CPT1A: variants seen among roughly 807,000 people sequenced by gnomAD.
The protein encoded by CPT1A is carnitine O-palmitoyltransferase 1, liver isoform.
Under a neutral mutation model 100.8 loss-of-function variants are expected in CPT1A, and 64 were observed. That is an observed-to-expected ratio of 0.63 (90% CI 0.52 to 0.78). The LOEUF (loss-of-function observed/expected upper bound fraction) is 0.78. Ranked by LOEUF, CPT1A falls within the 30% of genes least tolerant of loss-of-function variation. The probability of loss-of-function intolerance (pLI) is 0.00; values close to 1 mark genes in which losing one functional copy is unlikely to be tolerated. For synonymous variants in CPT1A, 363 were observed against 396.0 expected, an observed-to-expected ratio of 0.92 and a Z score of 0.99; for missense variants, 802 against 1,034.1, an observed-to-expected ratio of 0.78 and a Z score of 3.08.
At chr11:68,759,162 G>C (rs1946751760) in intron 18 of CPT1A, among the ~76,000 whole-genome samples, 1 of 151,994 alleles carries the variant, frequency 6.6e-6, no homozygotes, top group Non-Finnish European at 1.5e-5. Flanking sequence ...GGGAGGTCGA[G>C]GCAGGTGGAT....
At chr11:68,812,702 C>A (rs1334397824) in intron 2 of CPT1A, 126 bp from the exon 3 acceptor site, 8 of 1,094,854 alleles carry the variant, frequency 7.3e-6, no homozygotes, top group Admixed American at 2.0e-5. Flanking sequence ...GGACAGCGTG[C>A]GTGCACTGAG....
Position 68,757,251 on chromosome 11 carries a change from G to T in CPT1A, c.*393C>A. ...ACAAAACAAAAGTTTACCCTGCTTG[G>T]ATGATGCTAAATGCCCTTAAGCACT... On this transcript the variant is annotated 3_prime_UTR_variant, in exon 19 of 19. Transcript: ENST00000265641. The T allele has an allele frequency of 9.6e-7, 1 of 1,040,664 alleles. No homozygotes were observed. The highest frequency in any genetic ancestry group is 1.2e-6 in the Non-Finnish European group (1 of 849,150). The allele number at this position is 1,040,664 out of a possible 1,614,324, so 64.5% of individuals were successfully genotyped here.
At chr11:68,828,524 A>G (rs1856798134) in intron 1 of CPT1A, among the ~76,000 whole-genome samples, 1 of 152,116 alleles carries the variant, frequency 6.6e-6, no homozygotes, top group African/African-American at 2.4e-5. Context: ...CCCTTCCCGG[A>G]AGCCTTCCCT....
At chr11:68,788,608 AAAAC>A (rs774205593) in intron 9 of CPT1A, among the ~76,000 whole-genome samples, 10 of 149,276 alleles carry the variant, frequency 6.7e-5, no homozygotes, top group Non-Finnish European at 1.2e-4. Context: ...CAAAAAAACA[AAAAC>A]AAACAAACAA....
chr11:68,796,803 GACCCGCC>G, intron 7 of CPT1A, 46 bp downstream of exon 7: 1 of 1,571,004 alleles, frequency 6.4e-7, no homozygotes, highest in Non-Finnish European at 8.7e-7. Context: ...TCTGTGGACA[GACCCGCC>G]GCCCCACCGT....
At chr11:68,769,403 ATTTTTTTTT>A (rs528320899) in intron 14 of CPT1A, among the ~76,000 whole-genome samples, 1 of 133,318 alleles carries the variant, frequency 7.5e-6, no homozygotes, top group Non-Finnish European at 1.6e-5. Flanking sequence ...TGCTGGGCTA[ATTTTTTTTT>A]TTTTTTTTTT....
chr11:68,803,253 C>T (rs1021409022), intron 5 of CPT1A, among the ~76,000 whole-genome samples: 4 of 152,178 alleles, frequency 2.6e-5, no homozygotes, highest in Non-Finnish European at 4.4e-5. Flanking sequence ...TGAAAGAAGC[C>T]AGTCACAAAA....
At chr11:68,801,073 C>T (rs1246348147) in intron 5 of CPT1A, among the ~76,000 whole-genome samples, 3 of 152,110 alleles carry the variant, frequency 2.0e-5, no homozygotes, top group Non-Finnish European at 4.4e-5. Context: ...GGTGCCACTG[C>T]ATTCCAGCCT....
chr11:68,821,046 G>C (rs1296271267), intron 1 of CPT1A, among the ~76,000 whole-genome samples: 1 of 152,206 alleles, frequency 6.6e-6, no homozygotes, highest in African/African-American at 2.4e-5. Context: ...CCAGGTGGGA[G>C]TTCAGTGGTG....
intron 4 of CPT1A, 146 bp downstream of exon 4, chr11:68,807,321 C>T: frequency 2.4e-6 from 2 of 816,586 alleles, no homozygotes; most frequent in Non-Finnish European, 4.1e-6. Flanking sequence ...TGACTCAAAC[C>T]TCTCCAGCCA....
chr11:68,785,009 G>A lies in CPT1A; in HGVS notation c.969C>T (p.Asp323=), dbSNP rs1855419921. The change falls in exon 10 of 19, where the codon GAC becomes GAT. Residue 323 remains aspartate, a splice_region_variant and synonymous_variant. Transcript: ENST00000265641. ...NTSRIPGEET[D]TIQHMRDSKH... ...TGCTGTCTCTCATGTGCTGGATGGT[G>A]TCTGAGCCGGCCGCAGGTTGGAGAC... 1.2e-6 allele frequency: 2 copies of A among 1,613,580 alleles called. No homozygotes were observed. Among genetic ancestry groups the A allele is most frequent in the East Asian group, 2.2e-5 (1 of 44,880 alleles).
Position 68,841,519 on chromosome 11 carries a change from C to A in CPT1A, c.-14+256G>T, listed in dbSNP as rs1857158435. Reference sequence around the variant, plus strand: ...CCCGCGGCCGCACGGGACCCGCCTGCGGATGGACCGACCCCCGGTGGACCC... The same window carrying A: ...CCCGCGGCCGCACGGGACCCGCCTGAGGATGGACCGACCCCCGGTGGACCC... On this transcript the variant is annotated intron_variant, in intron 1 of 18. Transcript: ENST00000265641. The surrounding 1 kb of genome is among the most constrained non-coding windows in gnomAD (Gnocchi z 6.3). Among the ~76,000 whole-genome samples, 1 of 152,158 alleles carries A rather than the reference C, an allele frequency of 6.6e-6. No individual in the cohort carries two copies. The highest frequency in any genetic ancestry group is 2.4e-5 in the African/African-American group (1 of 41,440).
chr11:68,769,263 G>C (rs1216985994), intron 14 of CPT1A, among the ~76,000 whole-genome samples: 5 of 152,088 alleles, frequency 3.3e-5, no homozygotes, highest in African/African-American at 1.2e-4. Flanking sequence ...TTTAAAGATA[G>C]GGTCTCACTG....
chr11:68,792,767 C>T (rs1363527305), intron 9 of CPT1A, among the ~76,000 whole-genome samples: 3 of 152,196 alleles, frequency 2.0e-5, no homozygotes, highest in African/African-American at 7.2e-5. Context: ...GAAAAAAACA[C>T]TCAGCTGTGT....
chr11:68,796,679 G>A (rs1302259491), intron 7 of CPT1A, among the ~76,000 whole-genome samples, 177 bp downstream of exon 7: 1 of 152,226 alleles, frequency 6.6e-6, no homozygotes, highest in Non-Finnish European at 1.5e-5. Flanking sequence ...GGGCTACTAG[G>A]CTAACACTGA....
intron 9 of CPT1A, among the ~76,000 whole-genome samples, chr11:68,788,732 A>G (rs1855539179): frequency 6.6e-6 from 1 of 152,074 alleles, no homozygotes; most frequent in African/African-American, 2.4e-5. Context: ...AAAAATATAC[A>G]AAATATAAGA....
intron 14 of CPT1A, 132 bp from the exon 15 acceptor site, chr11:68,762,893 G>T: frequency 1.7e-6 from 2 of 1,163,820 alleles, no homozygotes; most frequent in Non-Finnish European, 2.5e-6. Flanking sequence ...GGGTCTTGCT[G>T]TTGCCCAGGC....
intron 11 of CPT1A, among the ~76,000 whole-genome samples, chr11:68,781,179 G>C (rs1469601420): frequency 6.6e-6 from 1 of 152,142 alleles, no homozygotes. Flanking sequence ...AGCCCTGTTT[G>C]CCACTCTCCC....
intron 12 of CPT1A, among the ~76,000 whole-genome samples, chr11:68,780,398 C>T (rs3019577): frequency 1.3e-3 from 198 of 152,334 alleles, no homozygotes; most frequent in African/African-American, 4.4e-3. Flanking sequence ...TTTCTTCTGC[C>T]TCAGCCTCCC....
Sources: allele counts gnomAD v4.1 joint callset (sites outside exome capture counted in the v4.1 genomes callset), GRCh38; gene constraint gnomAD v4.1.1; non-coding constraint Gnocchi (gnomAD v3.1); transcripts MANE v1.5; gene names NCBI Gene and HGNC (gene_info 2026-07-23, HGNC 2026-07-21).